The following MICU1 variants were observed in gnomAD, a reference collection of about 807,000 sequenced individuals.
MICU1 encodes the protein mitochondrial calcium uptake 1.
A neutral mutation model predicts 56.8 loss-of-function variants in MICU1; 45 were observed. The ratio of observed to expected loss-of-function variants is 0.79; its 90% CI spans 0.62 to 1.02. The LOEUF (loss-of-function observed/expected upper bound fraction) is 1.02, where lower values mean the gene tolerates loss of function less well. Among genes scored for constraint, MICU1 ranks in the 50% least tolerant of loss-of-function variants. MICU1 has a pLI of 0.00. For missense variants in MICU1, 504 were observed against 587.1 expected (o/e 0.86, Z 1.46); for synonymous variants, 186 against 195.1 (o/e 0.95, Z 0.39).
chr10:72,585,702 A>G (rs1410721447), intron 1 of MICU1, among the ~76,000 whole-genome samples: 1 of 152,148 alleles, frequency 6.6e-6, no homozygotes, highest in African/African-American at 2.4e-5. Flanking sequence ...TGTTTAAACA[A>G]TTCTTACTAT....
chr10:72,569,237 A>ATATATATATATATATATTTTTTTTT, intron 1 of MICU1, among the ~76,000 whole-genome samples: 2 of 34,390 alleles, frequency 5.8e-5, no homozygotes, highest in African/African-American at 1.1e-4. Context: ...ATATATATAT[A>ATATATATATATATATATTTTTTTTT]TTTTTTTTTT....
At chr10:72,378,087 T>C (rs1862583501) in intron 10 of MICU1, among the ~76,000 whole-genome samples, 1 of 152,044 alleles carries the variant, frequency 6.6e-6, no homozygotes, top group South Asian at 2.1e-4. Flanking sequence ...CTGTCTCTAC[T>C]AAAATAAATA....
intron 8 of MICU1, 105 bp downstream of exon 8, chr10:72,474,995 T>G: frequency 2.1e-6 from 2 of 934,738 alleles, no homozygotes; most frequent in Non-Finnish European, 3.2e-6. Context: ...TTCAAATCAA[T>G]CAGTTCTCAC....
chr10:72,540,724 CA>C (rs1338758624), intron 4 of MICU1, among the ~76,000 whole-genome samples: 2 of 152,160 alleles, frequency 1.3e-5, no homozygotes, highest in Non-Finnish European at 2.9e-5. Flanking sequence ...TTACTGATCT[CA>C]AATATTTACT....
chr10:72,514,952 T>C (rs1183964428), intron 5 of MICU1, among the ~76,000 whole-genome samples: 1 of 152,208 alleles, frequency 6.6e-6, no homozygotes, highest in East Asian at 1.9e-4. Context: ...TGCTACAGTA[T>C]TATTTACCTT....
intron 8 of MICU1, among the ~76,000 whole-genome samples, chr10:72,451,480 C>G (rs1290406216): frequency 6.6e-6 from 1 of 152,184 alleles, no homozygotes; most frequent in Non-Finnish European, 1.5e-5. Context: ...TCAAAGGCAG[C>G]AGAGATCTAC....
chr10:72,576,673 C>T (rs543947345), intron 1 of MICU1, among the ~76,000 whole-genome samples: 2 of 152,302 alleles, frequency 1.3e-5, no homozygotes, highest in Admixed American at 1.3e-4. Context: ...AAGGTGGCTA[C>T]ACTAAACAAG....
intron 8 of MICU1, among the ~76,000 whole-genome samples, chr10:72,441,115 G>T (rs1459483881): frequency 1.3e-5 from 2 of 152,072 alleles, no homozygotes; most frequent in Non-Finnish European, 2.9e-5. Context: ...GTTTATCGCG[G>T]CACTACTCAC....
chr10:72,377,158 C>A (rs1430900092), intron 10 of MICU1, among the ~76,000 whole-genome samples: 1 of 151,920 alleles, frequency 6.6e-6, no homozygotes, highest in Non-Finnish European at 1.5e-5. Context: ...CTTACTCTGT[C>A]CGCCAGACTG....
At chr10:72,500,261 CATATATATATATATATATATATAT>C (rs869065639) in intron 6 of MICU1, among the ~76,000 whole-genome samples, 27 of 29,078 alleles carry the variant, frequency 9.3e-4, no homozygotes, top group East Asian at 6.0e-3. Flanking sequence ...TACATACATA[CATATATATATATATATATATATAT>C]ATATATATAT....
chr10:72,383,277 G>A (rs368567199), intron 10 of MICU1, among the ~76,000 whole-genome samples: 16 of 150,538 alleles, frequency 1.1e-4, no homozygotes, highest in African/African-American at 2.9e-4. Flanking sequence ...TTTTTGATTC[G>A]CTAATATAGT....
intron 3 of MICU1, among the ~76,000 whole-genome samples, chr10:72,558,791 A>G (rs745334589): frequency 6.6e-6 from 1 of 152,220 alleles, no homozygotes; most frequent in African/African-American, 2.4e-5. Context: ...AAAAAGGGGC[A>G]GCAGCAGGAA....
At chr10:72,610,093 T>G (rs998451017) in intron 1 of MICU1, among the ~76,000 whole-genome samples, 1 of 151,402 alleles carries the variant, frequency 6.6e-6, no homozygotes, top group African/African-American at 2.4e-5. Flanking sequence ...ACCCCATCCC[T>G]ACAAAAATTT....
intron 1 of MICU1, among the ~76,000 whole-genome samples, chr10:72,604,846 G>A (rs546595803): frequency 3.9e-5 from 6 of 152,056 alleles, no homozygotes; most frequent in South Asian, 4.2e-4. Context: ...ATACCAGATC[G>A]TAACCAGCTT....
At chr10:72,437,379 G>A (rs1173608764) in intron 8 of MICU1, among the ~76,000 whole-genome samples, 2 of 152,118 alleles carry the variant, frequency 1.3e-5, no homozygotes, top group African/African-American at 4.8e-5. Flanking sequence ...CTGACTTACA[G>A]GAGCTCCTGA....
At chr10:72,492,296 A>G (rs1012601272) in intron 6 of MICU1, among the ~76,000 whole-genome samples, 4 of 152,110 alleles carry the variant, frequency 2.6e-5, no homozygotes, top group African/African-American at 7.2e-5. Context: ...AGCAAGGGGG[A>G]AAAAGCGGTA....
chr10:72,521,038 G>A (rs1867803878), intron 5 of MICU1, among the ~76,000 whole-genome samples: 2 of 152,054 alleles, frequency 1.3e-5, no homozygotes, highest in Admixed American at 1.3e-4. Flanking sequence ...TAAAAAGAAA[G>A]TCCTGAGATC....
At chr10:72,616,103 C>T (rs1841972574) in intron 1 of MICU1, among the ~76,000 whole-genome samples, 1 of 152,168 alleles carries the variant, frequency 6.6e-6, no homozygotes, top group Non-Finnish European at 1.5e-5. Context: ...CTAATTCTAT[C>T]ATCTGTGTCA....
chr10:72,402,846 G>A (rs762315934), intron 10 of MICU1, among the ~76,000 whole-genome samples: 8 of 151,944 alleles, frequency 5.3e-5, no homozygotes, highest in Non-Finnish European at 1.2e-4. Context: ...CCAGGAATTC[G>A]AGACCAACCT....
Sources: allele counts gnomAD v4.1 joint callset (sites outside exome capture counted in the v4.1 genomes callset), GRCh38; gene constraint gnomAD v4.1.1; transcripts MANE v1.5; gene names NCBI Gene and HGNC (gene_info 2026-07-23, HGNC 2026-07-21).